SOX6: variants seen among roughly 807,000 people sequenced by gnomAD.
SOX6 encodes transcription factor SOX-6.
Under a neutral mutation model 97.8 loss-of-function variants are expected in SOX6, and 11 were observed. The observed-to-expected ratio is 0.11, with a 90% CI of 0.07 to 0.19. The LOEUF (loss-of-function observed/expected upper bound fraction) is 0.19, where lower values mean the gene tolerates loss of function less well. Ranked by LOEUF, SOX6 falls within the 10% of genes least tolerant of loss-of-function variation. The pLI is 1.00. For synonymous variants in SOX6, 360 were observed against 371.4 expected (o/e 0.97, Z 0.35); for missense variants, 810 against 1,039.5 (o/e 0.78, Z 3.04).
intron 3 of SOX6, among the ~76,000 whole-genome samples, chr11:16,283,089 GTATATATA>G (rs10581083): frequency 1.8e-4 from 21 of 113,696 alleles, no homozygotes; most frequent in African/African-American, 3.8e-4. Flanking sequence ...TATATAATTT[GTATATATA>G]TATATATATA....
intron 3 of SOX6, among the ~76,000 whole-genome samples, chr11:16,688,021 G>A (rs1340923141): frequency 6.6e-6 from 1 of 151,892 alleles, no homozygotes; most frequent in East Asian, 1.9e-4. Flanking sequence ...CATCCAGGCT[G>A]GAGTGCAGTG....
intron 4 of SOX6, among the ~76,000 whole-genome samples, chr11:16,203,796 T>C (rs1162346936): frequency 1.3e-5 from 2 of 152,114 alleles, no homozygotes; most frequent in Non-Finnish European, 2.9e-5. Context: ...AGTGAGGTGA[T>C]ACTATTGTTA....
intron 3 of SOX6, among the ~76,000 whole-genome samples, chr11:16,663,714 T>A (rs1022601761): frequency 2.6e-5 from 4 of 152,208 alleles, no homozygotes; most frequent in African/African-American, 9.6e-5. Context: ...AACTAAAGGA[T>A]TTGTATATAT....
chr11:16,279,085 A>G (rs1179390454), intron 3 of SOX6, among the ~76,000 whole-genome samples: 2 of 152,108 alleles, frequency 1.3e-5, no homozygotes, highest in Non-Finnish European at 2.9e-5. Context: ...TGATACTTTC[A>G]CAAGAATGCT....
chr11:16,083,020 C>A (rs550704821), intron 9 of SOX6, among the ~76,000 whole-genome samples: 36 of 152,296 alleles, frequency 2.4e-4, no homozygotes, highest in Middle Eastern at 3.4e-3. Flanking sequence ...CTCTTCTCTG[C>A]ATCTTTGCCA....
At chr11:16,203,156 A>T (rs1203665481) in intron 4 of SOX6, among the ~76,000 whole-genome samples, 1 of 152,164 alleles carries the variant, frequency 6.6e-6, no homozygotes, top group African/African-American at 2.4e-5. Flanking sequence ...TGATTAAATC[A>T]CTACAACCCA....
chr11:16,286,275 T>C (rs1854740151), intron 3 of SOX6, among the ~76,000 whole-genome samples: 1 of 152,112 alleles, frequency 6.6e-6, no homozygotes, highest in Non-Finnish European at 1.5e-5. Flanking sequence ...GTCTAAGCAA[T>C]GACTAACGTC....
intron 3 of SOX6, among the ~76,000 whole-genome samples, chr11:16,712,578 T>C (rs752225029): frequency 1.3e-5 from 2 of 152,130 alleles, no homozygotes; most frequent in African/African-American, 2.4e-5. Context: ...ATGTCCTTAG[T>C]TACTAGAACA....
At chr11:15,973,296 C>T (rs180967603) in intron 15 of SOX6, among the ~76,000 whole-genome samples, 184 bp from the exon 16 acceptor site, 41 of 152,290 alleles carry the variant, frequency 2.7e-4, no homozygotes, top group Admixed American at 2.2e-3. Context: ...CTCCTTGATG[C>T]TATGTTAGGG....
At chr11:16,002,806 C>T (rs1030109178) in intron 13 of SOX6, among the ~76,000 whole-genome samples, 2 of 152,142 alleles carry the variant, frequency 1.3e-5, no homozygotes, top group Admixed American at 1.3e-4. Flanking sequence ...ACCAGCTCTA[C>T]CTCCTGTCAT....
At chr11:16,387,966 C>T (rs1184132647) in intron 1 of SOX6, among the ~76,000 whole-genome samples, 2 of 151,964 alleles carry the variant, frequency 1.3e-5, no homozygotes, top group Non-Finnish European at 1.5e-5. Context: ...ATGGTTGGAC[C>T]TTAAATACAA....
intron 4 of SOX6, among the ~76,000 whole-genome samples, chr11:16,602,314 T>C (rs915282348): frequency 6.6e-6 from 1 of 152,224 alleles, no homozygotes; most frequent in Non-Finnish European, 1.5e-5. Flanking sequence ...AGGATGTCAC[T>C]ATGCCTATGG....
At chr11:16,097,996 T>C (rs1848844553) in intron 7 of SOX6, among the ~76,000 whole-genome samples, 1 of 151,856 alleles carries the variant, frequency 6.6e-6, no homozygotes, top group African/African-American at 2.4e-5. Flanking sequence ...AAAAAATATC[T>C]TTAAGCCAGG....
intron 4 of SOX6, among the ~76,000 whole-genome samples, chr11:16,217,184 T>C (rs1590037874): frequency 6.6e-6 from 1 of 152,292 alleles, no homozygotes; most frequent in South Asian, 2.1e-4. Context: ...AGGGTCTCAG[T>C]AGGTTTTCCC....
chr11:15,994,071 T>C (rs1324709267), intron 13 of SOX6, among the ~76,000 whole-genome samples: 2 of 152,212 alleles, frequency 1.3e-5, no homozygotes, highest in South Asian at 4.1e-4. Context: ...AGCATTGTGA[T>C]GGGGTATACA....
intron 4 of SOX6, among the ~76,000 whole-genome samples, chr11:16,543,308 G>A (rs747036089): frequency 2.6e-5 from 4 of 151,780 alleles, no homozygotes; most frequent in African/African-American, 4.8e-5. Flanking sequence ...AAACTTTAAC[G>A]GTAATATCAC....
rs78078828 is a variant in SOX6 at position 16,481,649 on chromosome 11, A to G, written n.610-5261T>C. ...GGGACATTGACAAAGCATTCAGAGG[A>G]GAATGGCTAGGAAACTTTATGGAAA... On this transcript the variant is annotated intron_variant and non_coding_transcript_variant, in intron 4 of 5. Coordinates refer to the SOX6 transcript ENST00000524520. 5.6e-3 allele frequency among the ~76,000 whole-genome samples: 854 copies of G among 152,214 alleles called. 7 individuals are homozygous for G. Among genetic ancestry groups the G allele is most frequent in the African/African-American group, 0.019 (802 of 41,534 alleles).
intron 4 of SOX6, among the ~76,000 whole-genome samples, chr11:16,595,591 T>C (rs1361233849): frequency 8.8e-6 from 1 of 113,058 alleles, no homozygotes. Context: ...GGCAACAAGA[T>C]ACCACCTCTA....
intron 1 of SOX6, among the ~76,000 whole-genome samples, chr11:16,362,075 G>A (rs1052801016): frequency 6.6e-6 from 1 of 152,150 alleles, no homozygotes; most frequent in Non-Finnish European, 1.5e-5. Context: ...GTTTAGGTAG[G>A]AAGTGGTGAA....
Sources: allele counts gnomAD v4.1 joint callset (sites outside exome capture counted in the v4.1 genomes callset), GRCh38; gene constraint gnomAD v4.1.1; transcripts MANE v1.5; gene names NCBI Gene and HGNC (gene_info 2026-07-23, HGNC 2026-07-21).